The following AGPAT3 variants were observed in gnomAD, a reference collection of about 807,000 sequenced individuals.
AGPAT3 encodes the protein 1-acyl-sn-glycerol-3-phosphate acyltransferase gamma.
AGPAT3 carries 5 observed loss-of-function variants against 47.3 expected under a neutral mutation model. That is an observed-to-expected ratio of 0.11 (90% CI 0.06 to 0.22). AGPAT3 has a LOEUF of 0.22. AGPAT3 is among the 10% of genes least tolerant of loss of function. AGPAT3 has a pLI of 1.00. For missense variants in AGPAT3, 315 were observed against 493.0 expected (o/e 0.64, Z 3.42); for synonymous variants, 212 against 208.3 (o/e 1.02, Z -0.15).
chr21:43,937,840 T>TC lies in AGPAT3; in HGVS notation c.-48-21791dup, dbSNP rs573882277. Reference sequence around the variant, plus strand: ...TCTCTAAGGCAGTCATTAGGACGCATCCCATGAAACCAGATGACTTCTGCA... The same window carrying TC: ...TCTCTAAGGCAGTCATTAGGACGCATCCCCATGAAACCAGATGACTTCTGCA... On this transcript the variant is annotated intron_variant, in intron 2 of 9. Transcript: ENST00000291572. Among the ~76,000 whole-genome samples the TC allele has an allele frequency of 2.5e-3, 382 of 152,308 alleles. 1 individual carries two copies. The highest frequency in any genetic ancestry group is 8.6e-3 in the African/African-American group (356 of 41,546).
chr21:43,906,019 A>G (rs535906650), intron 2 of AGPAT3, among the ~76,000 whole-genome samples: 2 of 152,234 alleles, frequency 1.3e-5, no homozygotes, highest in Non-Finnish European at 2.9e-5. Flanking sequence ...GAAGGAGGAC[A>G]TTTTGAGAAG....
rs56867630 is a variant in AGPAT3 at position 43,874,118 on chromosome 21, C to T, written c.-112+8773C>T. Among the ~76,000 whole-genome samples, 1,360 of 152,296 alleles carry T rather than the reference C, an allele frequency of 8.9e-3. 26 individuals are homozygous for T. Among genetic ancestry groups the T allele is most frequent in the African/African-American group, 0.031 (1,275 of 41,564 alleles). ...TCGGCTCACTGCAACCTCCGCCTCC[C>T]GGATTCAAGTGGTTCTCCTGCCTCA... is the stretch of plus-strand genomic sequence containing the variant. On this transcript the variant is annotated intron_variant, in intron 1 of 9. Transcript: ENST00000291572.
At chr21:43,927,069 G>C (rs1451837661) in intron 2 of AGPAT3, among the ~76,000 whole-genome samples, 1 of 151,278 alleles carries the variant, frequency 6.6e-6, no homozygotes, top group East Asian at 1.9e-4. Context: ...CAGCCTCCCA[G>C]AGTGCTGGGA....
chr21:43,895,547 T>C (rs2086196321), intron 1 of AGPAT3, among the ~76,000 whole-genome samples: 1 of 149,360 alleles, frequency 6.7e-6, no homozygotes, highest in South Asian at 2.1e-4. Flanking sequence ...TCATTCAACA[T>C]ATTTTTGAAT....
chr21:43,928,681 A>G (rs2087137988), intron 2 of AGPAT3, among the ~76,000 whole-genome samples: 1 of 152,262 alleles, frequency 6.6e-6, no homozygotes, highest in South Asian at 2.1e-4. Flanking sequence ...CATCTTGTTT[A>G]GAAATCACTT....
chr21:43,882,216 T>A (rs1446595347), intron 1 of AGPAT3, among the ~76,000 whole-genome samples: 2 of 152,236 alleles, frequency 1.3e-5, no homozygotes, highest in Non-Finnish European at 2.9e-5. Flanking sequence ...CTTTGCATAA[T>A]GGAGGTAATG....
intron 1 of AGPAT3, among the ~76,000 whole-genome samples, chr21:43,895,549 T>C (rs2086196560): frequency 6.6e-6 from 1 of 151,798 alleles, no homozygotes; most frequent in Non-Finnish European, 1.5e-5. Flanking sequence ...ATTCAACATA[T>C]TTTTGAATTC....
At chr21:43,905,569 C>T (rs1040806946) in intron 2 of AGPAT3, among the ~76,000 whole-genome samples, 15 of 152,210 alleles carry the variant, frequency 9.9e-5, no homozygotes, top group African/African-American at 3.6e-4. Context: ...ACTATAAAGA[C>T]ACAGTGGCAG....
chr21:43,904,740 C>T (rs987013974), intron 2 of AGPAT3, among the ~76,000 whole-genome samples: 47 of 152,144 alleles, frequency 3.1e-4, no homozygotes, highest in South Asian at 1.0e-3. Flanking sequence ...TTCCCAGGCC[C>T]GCTGCTGTGG....
chr21:43,877,729 C>T (rs777257590), intron 1 of AGPAT3, among the ~76,000 whole-genome samples: 1 of 152,244 alleles, frequency 6.6e-6, no homozygotes, highest in East Asian at 1.9e-4. Flanking sequence ...CAGGCATGAG[C>T]CACTGCGCCT....
Position 43,980,996 on chromosome 21 carries a change from T to C in AGPAT3, c.851T>C (p.Leu284Pro). 6.2e-7 allele frequency: 1 copy of C among 1,614,032 alleles called. No individual in the cohort carries two copies. The highest frequency in any genetic ancestry group is 8.5e-7 in the Non-Finnish European group (1 of 1,179,976). The change falls in exon 9 of 10, where the codon CTC becomes CCC. Residue 284 changes from leucine to proline, a missense_variant. Coordinates refer to ENST00000291572, the MANE Select transcript of AGPAT3 (RefSeq NM_020132.5). ...CTCTGTTGACTCTTCTAGGACGCGC[T>C]CCAGGAGATATATAATCAGAAGGGC... Reference protein sequence around the residue: ...LHKLYQEKDALQEIYNQKGMF... With the variant: ...LHKLYQEKDAPQEIYNQKGMF...
chr21:43,936,599 A>T (rs2146327285), intron 2 of AGPAT3, among the ~76,000 whole-genome samples: 1 of 152,362 alleles, frequency 6.6e-6, no homozygotes, highest in Non-Finnish European at 1.5e-5. Flanking sequence ...CTCGTGAATG[A>T]GCTCTGCCCC....
rs950523850 is a variant in AGPAT3, at chr21:43,920,473, T to G, written c.-49+16454T>G. On this transcript the variant is annotated intron_variant, in intron 2 of 9. Transcript: ENST00000291572. This position sits in a 1 kb window ranked among gnomAD's most constrained non-coding sequence, Gnocchi z 6.1. ...ACCTTTAGTGCTGAGTGTCTTTTTT[T>G]TTGCTAATGAGGTGACTGTGGCTGG... Among the ~76,000 whole-genome samples, 1 of 152,092 alleles carries G rather than the reference T, an allele frequency of 6.6e-6. No homozygotes were observed. Among genetic ancestry groups the G allele is most frequent in the Non-Finnish European group, 1.5e-5 (1 of 68,012 alleles).
Position 43,969,190 on chromosome 21 carries a change from A to G in AGPAT3, c.421A>G (p.Ile141Val). 6.2e-7 allele frequency: 1 copy of G among 1,613,962 alleles called. No homozygotes were observed. The highest frequency in any genetic ancestry group is 8.5e-7 in the Non-Finnish European group (1 of 1,179,990). ...CGGCTGGACGTGGTACTTTCTGGAG[A>G]TTGTGTTCTGCAAGCGGAAGTGGGA... ...LIGWTWYFLE[I>V]VFCKRKWEED... Residue 141 changes from isoleucine to valine, a missense_variant, in exon 5 of 10, where the codon ATT (isoleucine) becomes GTT (valine). Ile to Val is a conservative substitution (Grantham distance 29). Coordinates refer to ENST00000291572, the MANE Select transcript of AGPAT3 (RefSeq NM_020132.5).
At chr21:43,976,448 C>T (rs1326441064) in intron 7 of AGPAT3, among the ~76,000 whole-genome samples, 3 of 152,204 alleles carry the variant, frequency 2.0e-5, no homozygotes, top group East Asian at 3.9e-4. Context: ...TCTGCCTGCC[C>T]CTCGGCTTCC....
chr21:43,938,346 C>CA (rs2087524159), intron 2 of AGPAT3, among the ~76,000 whole-genome samples: 1 of 106,334 alleles, frequency 9.4e-6, no homozygotes, highest in East Asian at 2.8e-4. Context: ...TTTTTTGAGA[C>CA]AGAGTCTTGC....
chr21:43,887,948 C>T lies in AGPAT3; in HGVS notation c.-111-16009C>T, dbSNP rs542513933. ...GATGACAGGCATGAGCCACCACGCC[C>T]GGCCCATATACACGTTCTTGTTGTA... On this transcript the variant is annotated intron_variant, in intron 1 of 9. Coordinates refer to ENST00000291572, the MANE Select transcript of AGPAT3 (RefSeq NM_020132.5). Among the ~76,000 whole-genome samples the T allele has an allele frequency of 6.0e-4, 91 of 152,352 alleles. 1 individual carries two copies. Among genetic ancestry groups the T allele is most frequent in the Admixed American group, 3.3e-3 (51 of 15,304 alleles).
intron 2 of AGPAT3, among the ~76,000 whole-genome samples, chr21:43,946,316 G>GAGGCCAGGCACAGTGGCTCACGCCTATAT (rs2087886872): frequency 6.6e-6 from 1 of 152,176 alleles, no homozygotes; most frequent in Admixed American, 6.5e-5. Flanking sequence ...AAAAGTGCAT[G>GAGGCCAGGCACAGTGGCTCACGCCTATAT]AGGCCAGGCA....
At chr21:43,979,579 G>A (rs73373141) in intron 8 of AGPAT3, among the ~76,000 whole-genome samples, 117 of 152,312 alleles carry the variant, frequency 7.7e-4, no homozygotes, top group African/African-American at 2.4e-3. Flanking sequence ...CCTCAGGAAG[G>A]TTAAACTGGA....
Sources: allele counts gnomAD v4.1 joint callset (sites outside exome capture counted in the v4.1 genomes callset), GRCh38; gene constraint gnomAD v4.1.1; non-coding constraint Gnocchi (gnomAD v3.1); transcripts MANE v1.5; gene names NCBI Gene and HGNC (gene_info 2026-07-23, HGNC 2026-07-21).